Variants in PSD3 observed in about 807,000 individuals in gnomAD.
PSD3 encodes PH and SEC7 domain-containing protein 3.
In PSD3, 49 loss-of-function variants were observed where a neutral mutation model predicts 105.5. The observed-to-expected ratio is 0.46, with a 90% CI of 0.37 to 0.59. The LOEUF (loss-of-function observed/expected upper bound fraction) is 0.59, where lower values mean the gene tolerates loss of function less well. Among genes scored for constraint, PSD3 ranks in the 20% least tolerant of loss-of-function variants. The pLI, the probability that PSD3 is intolerant of heterozygous loss-of-function variation, is 0.00. For synonymous variants in PSD3, 557 were observed against 457.8 expected (o/e 1.22, Z -2.77); for missense variants, 1,561 against 1,263.8 (o/e 1.24, Z -3.57).
At chr8:18,559,624 C>T (rs1801274731) in intron 14 of PSD3, among the ~76,000 whole-genome samples, 2 of 38,494 alleles carry the variant, frequency 5.2e-5, no homozygotes, top group South Asian at 2.9e-3. Context: ...AAAGAATTTA[C>T]AAACTTCTAT....
intron 4 of PSD3, among the ~76,000 whole-genome samples, chr8:18,850,902 G>A (rs189614662): frequency 6.6e-6 from 1 of 152,110 alleles, no homozygotes; most frequent in Non-Finnish European, 1.5e-5. Context: ...GCTGGGCACA[G>A]AAACTCTATT....
At chr8:18,956,852 C>T (rs1380994155) in intron 1 of PSD3, among the ~76,000 whole-genome samples, 1 of 152,162 alleles carries the variant, frequency 6.6e-6, no homozygotes, top group African/African-American at 2.4e-5. Flanking sequence ...CTGACCTCAT[C>T]AGCTGAGGCC....
intron 4 of PSD3, 36 bp downstream of exon 4, chr8:18,867,638 C>A (rs763380656): frequency 1.0e-5 from 16 of 1,546,194 alleles, no homozygotes; most frequent in Non-Finnish European, 1.3e-5. Context: ...CCTACAAAAA[C>A]CACCAGCATG....
chr8:18,682,970 G>C (rs1023611674), intron 9 of PSD3, among the ~76,000 whole-genome samples: 1 of 152,136 alleles, frequency 6.6e-6, no homozygotes, highest in African/African-American at 2.4e-5. Context: ...CAGACCTGGA[G>C]TTCTGTGATC....
At chr8:18,924,583 G>C (rs1291129753) in intron 2 of PSD3, 2 of 152,126 alleles carry the variant, frequency 1.3e-5, no homozygotes, top group Non-Finnish European at 2.9e-5. Flanking sequence ...TTCTATCCCA[G>C]CCCACATTTT....
Position 18,871,954 on chromosome 8 carries a change from C to A in PSD3, c.910G>T (p.Val304Leu). 1 of 1,614,176 alleles carries A rather than the reference C, an allele frequency of 6.2e-7. No homozygotes were observed. ...GRVKHVEFQG[V>L]EILWTGGDKR... Reference sequence around the variant, plus strand: ...TCTCCTCCTGTCCACAGTATTTCCACTCCTTGAAATTCCACATGTTTGACC... The same window carrying A: ...TCTCCTCCTGTCCACAGTATTTCCAATCCTTGAAATTCCACATGTTTGACC... The change falls in exon 3 of 16, where the codon GTG becomes TTG. Residue 304 changes from valine (V) to leucine (L), a missense_variant. Physicochemically the swap from Val to Leu is conservative, Grantham distance 32 (BLOSUM62 1). Transcript: ENST00000327040.
chr8:18,770,749 T>C (rs1351906346), intron 8 of PSD3, among the ~76,000 whole-genome samples: 1 of 152,230 alleles, frequency 6.6e-6, no homozygotes, highest in Admixed American at 6.5e-5. Flanking sequence ...GGCTTAAGTG[T>C]TAACAGCTCA....
intron 4 of PSD3, among the ~76,000 whole-genome samples, chr8:18,848,806 G>A (rs1402078016): frequency 1.3e-5 from 2 of 152,178 alleles, no homozygotes; most frequent in Non-Finnish European, 2.9e-5. Flanking sequence ...AGACGGTGGG[G>A]ATTATGGTCT....
At chr8:18,655,807 C>G in intron 9 of PSD3, 122 bp from the exon 10 acceptor site, 1 of 888,502 alleles carries the variant, frequency 1.1e-6, no homozygotes, top group Non-Finnish European at 1.8e-6. Context: ...TGTCAGTCAC[C>G]TTGCTTTTAG....
chr8:18,908,242 GCAGT>G (rs1028246882), intron 2 of PSD3, among the ~76,000 whole-genome samples: 5 of 152,116 alleles, frequency 3.3e-5, no homozygotes, highest in African/African-American at 1.2e-4. Context: ...CAGAAAGAGG[GCAGT>G]CACCCAAATT....
chr8:18,934,112 C>A lies in PSD3; in HGVS notation c.130+1922G>T, dbSNP rs886238160. ...TATTATATGGCTGTGTATACACTGC[C>A]TTCTTGGTATCCTCAAATATTCTGG... is the stretch of plus-strand genomic sequence containing the variant. On this transcript the variant is annotated intron_variant, in intron 2 of 15. Coordinates refer to ENST00000327040, the MANE Select transcript of PSD3 (RefSeq NM_015310.4). Among the ~76,000 whole-genome samples, 52 of 152,060 alleles carry A rather than the reference C, an allele frequency of 3.4e-4. 1 individual carries two copies. Among genetic ancestry groups the A allele is most frequent in the Admixed American group, 1.7e-3 (26 of 15,266 alleles).
At chr8:18,660,504 TA>T (rs1242100721) in intron 9 of PSD3, among the ~76,000 whole-genome samples, 1 of 152,192 alleles carries the variant, frequency 6.6e-6, no homozygotes, top group Non-Finnish European at 1.5e-5. Context: ...AATGATGATA[TA>T]CCCACAGGTG....
intron 1 of PSD3, among the ~76,000 whole-genome samples, chr8:19,080,865 A>G (rs1046079107): frequency 1.3e-5 from 2 of 152,210 alleles, no homozygotes; most frequent in Non-Finnish European, 2.9e-5. Context: ...CTGCTTATAT[A>G]CCAAAAGTCA....
chr8:18,836,796 A>G (rs1586177321), intron 4 of PSD3, among the ~76,000 whole-genome samples: 1 of 151,412 alleles, frequency 6.6e-6, no homozygotes, highest in East Asian at 1.9e-4. Flanking sequence ...TAATGACAAG[A>G]AAAAAAAAGG....
intron 12 of PSD3, among the ~76,000 whole-genome samples, chr8:18,591,040 A>G (rs925266394): frequency 2.0e-5 from 3 of 152,200 alleles, no homozygotes; most frequent in Non-Finnish European, 2.9e-5. Flanking sequence ...CATCTCCCCA[A>G]TAAAAATATT....
At chr8:19,011,223 T>A (rs1484910764) in intron 1 of PSD3, among the ~76,000 whole-genome samples, 1 of 152,218 alleles carries the variant, frequency 6.6e-6, no homozygotes, top group African/African-American at 2.4e-5. Context: ...CACATTTTAA[T>A]ATTCACATGG....
intron 8 of PSD3, among the ~76,000 whole-genome samples, chr8:18,770,326 T>A (rs1807401049): frequency 1.3e-5 from 2 of 152,234 alleles, no homozygotes; most frequent in African/African-American, 4.8e-5. Flanking sequence ...ATATTTATAT[T>A]TTTATTATTC....
At chr8:18,985,575 T>A (rs1563487168) in intron 1 of PSD3, among the ~76,000 whole-genome samples, 1 of 152,220 alleles carries the variant, frequency 6.6e-6, no homozygotes. Context: ...GGGGACTTTA[T>A]CATGAAACAT....
At chr8:18,587,121 T>TAA (rs1393263388) in intron 12 of PSD3, among the ~76,000 whole-genome samples, 1 of 152,138 alleles carries the variant, frequency 6.6e-6, no homozygotes, top group Non-Finnish European at 1.5e-5. Context: ...ACATTTCTGC[T>TAA]ATACTGGAAT....
Sources: gnomAD v4.1 joint callset for allele counts (sites outside exome capture counted in the v4.1 genomes callset) on GRCh38, gnomAD v4.1.1 for gene constraint, MANE v1.5 for transcripts, NCBI Gene and HGNC (gene_info 2026-07-23, HGNC 2026-07-21) for gene names.